Variants in CA5A observed in about 807,000 individuals in gnomAD.
The protein encoded by CA5A is carbonic anhydrase 5A, mitochondrial.
CA5A carries 28 observed loss-of-function variants against 37.1 expected under a neutral mutation model. The ratio of observed to expected loss-of-function variants is 0.75; its 90% CI spans 0.56 to 1.03. CA5A has a LOEUF of 1.03. CA5A is among the 50% of genes least tolerant of loss of function. The pLI is 0.00. For missense variants in CA5A, 444 were observed against 399.9 expected, an observed-to-expected ratio of 1.11 and a Z score of -0.94; for synonymous variants, 171 against 158.4, an observed-to-expected ratio of 1.08 and a Z score of -0.60.
At chr16:87,909,283 C>T (rs1419324300) in intron 2 of CA5A, among the ~76,000 whole-genome samples, 2 of 152,124 alleles carry the variant, frequency 1.3e-5, no homozygotes, top group African/African-American at 4.8e-5. Context: ...CAGGCTGGCT[C>T]GGGGCATCTG....
At chr16:87,890,867 T>C (rs1207078182) in intron 6 of CA5A, among the ~76,000 whole-genome samples, 1 of 152,078 alleles carries the variant, frequency 6.6e-6, no homozygotes, top group Non-Finnish European at 1.5e-5. Flanking sequence ...TGATCTCAGC[T>C]CACTGCAGCC....
intron 5 of CA5A, among the ~76,000 whole-genome samples, chr16:87,894,327 G>A (rs928766693): frequency 6.6e-6 from 1 of 151,986 alleles, no homozygotes; most frequent in Non-Finnish European, 1.5e-5. Context: ...CAGAGTCCCT[G>A]TCTGCAAGGA....
chr16:87,927,024 C>T, intron 1 of CA5A, 79 bp from the exon 2 acceptor site: 1 of 977,554 alleles, frequency 1.0e-6, no homozygotes, highest in Non-Finnish European at 1.5e-6. Flanking sequence ...AGAAACCCGG[C>T]CGCACGAGAC....
At chr16:87,907,196 C>T (rs1282338711) in intron 2 of CA5A, among the ~76,000 whole-genome samples, 4 of 152,088 alleles carry the variant, frequency 2.6e-5, no homozygotes, top group African/African-American at 4.8e-5. Context: ...TCAGCCTGGG[C>T]GACAGAGTGA....
intron 1 of CA5A, among the ~76,000 whole-genome samples, chr16:87,934,972 C>T (rs186829048): frequency 1.1e-4 from 17 of 152,348 alleles, no homozygotes; most frequent in Non-Finnish European, 1.9e-4. Context: ...GAGTGTAGCT[C>T]ACTCAGAGTC....
At chr16:87,907,921 C>T (rs576736549) in intron 2 of CA5A, among the ~76,000 whole-genome samples, 40 of 152,242 alleles carry the variant, frequency 2.6e-4, no homozygotes, top group African/African-American at 8.4e-4. Flanking sequence ...AGTGAAACTC[C>T]GTCTCAAAAA....
At chr16:87,897,016 G>A (rs1019219501) in intron 5 of CA5A, among the ~76,000 whole-genome samples, 1 of 152,250 alleles carries the variant, frequency 6.6e-6, no homozygotes, top group African/African-American at 2.4e-5. Context: ...CTCCGCCCTT[G>A]CTTTGTCCTC....
intron 2 of CA5A, among the ~76,000 whole-genome samples, chr16:87,905,843 C>T (rs909046068): frequency 6.6e-6 from 1 of 152,252 alleles, no homozygotes; most frequent in Non-Finnish European, 1.5e-5. Flanking sequence ...GTGCCCCTCT[C>T]CATGGCACAG....
intron 2 of CA5A, among the ~76,000 whole-genome samples, chr16:87,907,107 A>G (rs1304675329): frequency 6.6e-6 from 1 of 152,082 alleles, no homozygotes; most frequent in African/African-American, 2.4e-5. Context: ...AATCCCAGCT[A>G]CTTGGGAGGC....
At chr16:87,897,053 C>T (rs539808368) in intron 5 of CA5A, among the ~76,000 whole-genome samples, 6 of 152,362 alleles carry the variant, frequency 3.9e-5, no homozygotes, top group South Asian at 2.1e-4. Context: ...CCCAGGTGTA[C>T]GACAGGCAGT....
At chr16:87,899,391 C>A (rs548607292) in intron 5 of CA5A, among the ~76,000 whole-genome samples, 1 of 149,958 alleles carries the variant, frequency 6.7e-6, no homozygotes, top group African/African-American at 2.5e-5. Flanking sequence ...CAACCTCCAC[C>A]GCCCAGATTC....
intron 2 of CA5A, among the ~76,000 whole-genome samples, 187 bp from the exon 3 acceptor site, chr16:87,905,091 C>A (rs535148444): frequency 6.6e-5 from 10 of 152,004 alleles, no homozygotes; most frequent in South Asian, 4.1e-4. Flanking sequence ...CACTCTGCCC[C>A]CCCCCAGCCC....
intron 2 of CA5A, among the ~76,000 whole-genome samples, chr16:87,906,029 C>T (rs1471593318): frequency 1.3e-5 from 2 of 152,358 alleles, no homozygotes; most frequent in Non-Finnish European, 2.9e-5. Flanking sequence ...ATGTGGGTGG[C>T]TTCTCCTGTG....
chr16:87,928,048 A>G (rs1296271346), intron 1 of CA5A, among the ~76,000 whole-genome samples: 7 of 152,090 alleles, frequency 4.6e-5, no homozygotes, highest in Non-Finnish European at 1.0e-4. Context: ...TTGAAACCTT[A>G]GAGCACTTCC....
chr16:87,890,983 G>A (rs142578416), intron 6 of CA5A, among the ~76,000 whole-genome samples: 2 of 151,564 alleles, frequency 1.3e-5, no homozygotes, highest in South Asian at 2.1e-4. Flanking sequence ...TAGTAGAGAC[G>A]GGGTTTCACC....
downstream of CA5A, chr16:87,885,179 A>AAAAC (rs1326804270): frequency 2.3e-5 from 4 of 173,072 alleles, no homozygotes; most frequent in Admixed American, 5.8e-5. Context: ...AAAACAAAAC[A>AAAAC]AAACAAAACA....
chr16:87,907,326 C>G (rs182161791), intron 2 of CA5A, among the ~76,000 whole-genome samples: 1 of 152,208 alleles, frequency 6.6e-6, no homozygotes, highest in Non-Finnish European at 1.5e-5. Context: ...TCGCTTCTGC[C>G]TCGGCCTGTG....
chr16:87,923,209 G>A (rs1364928545), intron 2 of CA5A, among the ~76,000 whole-genome samples: 2 of 151,998 alleles, frequency 1.3e-5, no homozygotes, highest in South Asian at 2.1e-4. Context: ...TTTTTCCCGC[G>A]ATGGAGTCTC....
chr16:87,916,122 C>G (rs145207128), intron 2 of CA5A, among the ~76,000 whole-genome samples: 4,331 of 148,500 alleles, frequency 0.029, 214 homozygotes, highest in African/African-American at 0.1. Flanking sequence ...GAGCAGAGAT[C>G]GCGCCACTGC....
Sources: allele counts gnomAD v4.1 joint callset (sites outside exome capture counted in the v4.1 genomes callset), GRCh38; gene constraint gnomAD v4.1.1; transcripts MANE v1.5; gene names NCBI Gene and HGNC (gene_info 2026-07-23, HGNC 2026-07-21).